Variants in MID2 observed in about 807,000 individuals in gnomAD.
The protein encoded by MID2 is midline 2, also known as probable E3 ubiquitin-protein ligase MID2.
In MID2, 13 loss-of-function variants were observed where a neutral mutation model predicts 46.1. The ratio of observed to expected loss-of-function variants is 0.28; its 90% confidence interval spans 0.18 to 0.45. MID2 has a LOEUF of 0.45. Ranked by LOEUF, MID2 falls within the 20% of genes least tolerant of loss-of-function variation. The probability of loss-of-function intolerance (pLI) is 1.00; values close to 1 mark genes in which losing one functional copy is unlikely to be tolerated. For synonymous variants in MID2, 199 were observed against 212.3 expected (o/e 0.94, Z 0.55); for missense variants, 431 against 575.4 (o/e 0.75, Z 2.57).
chrX:107,888,686 C>T (rs12861437), intron 3 of MID2, among the ~76,000 whole-genome samples: 19,273 of 110,520 alleles, frequency 0.17, 1,617 homozygotes, highest in African/African-American at 0.31. Flanking sequence ...ACTTTCTGCC[C>T]GTTGATTTGT....
chrX:107,900,039 T>G (rs1467401651), intron 3 of MID2, among the ~76,000 whole-genome samples: 9 of 111,843 alleles, frequency 8.0e-5, no homozygotes, highest in African/African-American at 2.9e-4. Context: ...AGAAAACACT[T>G]AAGGACCCTG....
chrX:107,905,436 G>A, intron 4 of MID2, 42 bp from the exon 5 acceptor site: 2 of 1,081,892 alleles, frequency 1.8e-6, no homozygotes, highest in Non-Finnish European at 2.5e-6. Flanking sequence ...ATTAAGCACT[G>A]CATGTTTTAT....
At chrX:107,911,974 A>G (rs1247476191) in intron 5 of MID2, among the ~76,000 whole-genome samples, 2 of 111,832 alleles carry the variant, frequency 1.8e-5, no homozygotes, top group African/African-American at 6.5e-5. Context: ...AATGTCAAAG[A>G]TCAGCAGAAA....
At chrX:107,905,694 G>C in intron 5 of MID2, 68 bp downstream of exon 5, 1 of 940,181 alleles carries the variant, frequency 1.1e-6, no homozygotes, top group Non-Finnish European at 1.5e-6. Flanking sequence ...GTCACTTAAA[G>C]TTCAGGCATG....
chrX:107,886,051 AT>A (rs1292530318), intron 3 of MID2, among the ~76,000 whole-genome samples: 1 of 110,659 alleles, frequency 9.0e-6, no homozygotes, highest in African/African-American at 3.3e-5. Flanking sequence ...GATTGGAAAA[AT>A]TTTCTCCCAT....
chrX:107,875,106 G>A (rs1932167934), intron 3 of MID2, among the ~76,000 whole-genome samples: 1 of 111,905 alleles, frequency 8.9e-6, no homozygotes, highest in Admixed American at 9.4e-5. Context: ...GAATCCCTGA[G>A]GTAACACTGT....
chrX:107,852,763 A>G (rs988073482), intron 2 of MID2, among the ~76,000 whole-genome samples: 4 of 112,039 alleles, frequency 3.6e-5, no homozygotes, highest in Non-Finnish European at 7.5e-5. Context: ...TTAAGGAGCT[A>G]CAGGTACTTA....
At chrX:107,860,714 A>G (rs1172459629) in intron 3 of MID2, among the ~76,000 whole-genome samples, 2 of 112,712 alleles carry the variant, frequency 1.8e-5, no homozygotes, top group Non-Finnish European at 1.9e-5. Flanking sequence ...GGGTATTATT[A>G]TCTTAAAGAC....
chrX:107,856,266 A>G (rs909245732), intron 3 of MID2, among the ~76,000 whole-genome samples: 22 of 111,952 alleles, frequency 2.0e-4, no homozygotes, highest in African/African-American at 7.1e-4. Flanking sequence ...AAAGTTTCTC[A>G]TTATGCTGTT....
At chrX:107,893,082 T>C (rs1932638522) in intron 3 of MID2, among the ~76,000 whole-genome samples, 1 of 112,987 alleles carries the variant, frequency 8.9e-6, no homozygotes, top group Non-Finnish European at 1.9e-5. Context: ...GAGTGTTGAC[T>C]GCTTCAAGAA....
intron 3 of MID2, among the ~76,000 whole-genome samples, chrX:107,888,232 G>C (rs905665221): frequency 8.9e-6 from 1 of 111,891 alleles, no homozygotes. Context: ...GTCAATTTCA[G>C]ATCTTTCCTG....
At position 107,841,002 on chromosome X, in the gene MID2, G is replaced by A. The variant is rs1244838485; in HGVS notation, c.337G>A (p.Gly113Arg). Residue 113 changes from glycine to arginine, a missense_variant, in exon 2 of 10, where the codon GGG (glycine) becomes AGG (arginine). Coordinates refer to ENST00000262843, the MANE Select transcript of MID2 (RefSeq NM_012216.4). ...TCGCTTCCAGAAGGCTTCAGTCAGTGGGCCCAATTCCCCTAGTGAGAGCCG... is the reference window on the plus strand; with the variant it reads ...TCGCTTCCAGAAGGCTTCAGTCAGTAGGCCCAATTCCCCTAGTGAGAGCCG... The part of the protein sequence containing the change: ...IDRFQKASVS[G>R]PNSPSESRRE... The A allele has an allele frequency of 2.5e-6, 3 of 1,211,587 alleles. No individual in the cohort carries two copies. The highest frequency in any genetic ancestry group is 1.8e-5 in the South Asian group (1 of 56,962).
chrX:107,906,419 C>T (rs761707026), intron 5 of MID2, among the ~76,000 whole-genome samples: 3 of 111,826 alleles, frequency 2.7e-5, no homozygotes, highest in African/African-American at 9.7e-5. Context: ...GCTTCTTTAA[C>T]ATCCCCTCCA....
At chrX:107,868,850 G>A (rs1236749500) in intron 3 of MID2, among the ~76,000 whole-genome samples, 1 of 110,903 alleles carries the variant, frequency 9.0e-6, no homozygotes, top group African/African-American at 3.3e-5. Context: ...TCCATGATTA[G>A]CATATAGGTC....
chrX:107,876,465 G>C (rs1932202373), intron 3 of MID2, among the ~76,000 whole-genome samples: 1 of 111,223 alleles, frequency 9.0e-6, no homozygotes, highest in South Asian at 3.8e-4. Context: ...CAAATCCCTG[G>C]TCTGTCACGG....
intron 3 of MID2, among the ~76,000 whole-genome samples, chrX:107,860,292 T>A (rs1338740002): frequency 8.9e-6 from 1 of 112,121 alleles, no homozygotes; most frequent in East Asian, 2.8e-4. Context: ...CTGGTTTAGG[T>A]GACCAAATAG....
intron 2 of MID2, among the ~76,000 whole-genome samples, chrX:107,853,456 C>T (rs901045388): frequency 9.0e-6 from 1 of 110,643 alleles, no homozygotes; most frequent in Admixed American, 9.7e-5. Context: ...CATGCCACCA[C>T]GCCCAACTAA....
rs372849069 is a variant in MID2 at position 107,841,029 on chromosome X, C to T, written c.364C>T (p.Arg122Trp). 3.7e-5 allele frequency: 45 copies of T among 1,209,345 alleles called. No homozygotes were observed. The African/African-American group carries it at 6.1e-4, about 17-fold the overall frequency. ...GCCCAATTCCCCTAGTGAGAGCCGC[C>T]GGGAAAGGACTTACAGGCCCACCAC... ...SGPNSPSESR[R>W]ERTYRPTTAM... Residue 122 changes from arginine (R) to tryptophan (W), a missense_variant, in exon 2 of 10, where the codon CGG becomes TGG. Arg to Trp is a moderately radical substitution (Grantham distance 101). Transcript: ENST00000262843.
At chrX:107,834,958 C>T (rs7887181) in intron 1 of MID2, among the ~76,000 whole-genome samples, 4,197 of 111,359 alleles carry the variant, frequency 0.038, 198 homozygotes, top group African/African-American at 0.13. Context: ...GTGCAATCAT[C>T]GTCACTATCT....
Sources: gnomAD v4.1 joint callset for allele counts (sites outside exome capture counted in the v4.1 genomes callset) on GRCh38, gnomAD v4.1.1 for gene constraint, MANE v1.5 for transcripts, NCBI Gene and HGNC (gene_info 2026-07-23, HGNC 2026-07-21) for gene names.